PPM1L: variants seen among roughly 807,000 people sequenced by gnomAD.
PPM1L encodes protein phosphatase 1L.
PPM1L carries 13 observed loss-of-function variants against 31.4 expected under a neutral mutation model. The ratio of observed to expected loss-of-function variants is 0.41; its 90% CI spans 0.27 to 0.66. PPM1L has a LOEUF of 0.66. Among genes scored for constraint, PPM1L ranks in the 30% least tolerant of loss-of-function variants. The pLI is 0.29. For missense variants in PPM1L, 326 were observed against 453.7 expected (o/e 0.72, Z 2.56); for synonymous variants, 184 against 175.4 (o/e 1.05, Z -0.39).
chr3:160,816,763 G>A (rs1713007282), intron 1 of PPM1L, among the ~76,000 whole-genome samples: 1 of 152,040 alleles, frequency 6.6e-6, no homozygotes, highest in African/African-American at 2.4e-5. Context: ...TCACCACTCA[G>A]TGAGGCCCCC....
intron 2 of PPM1L, among the ~76,000 whole-genome samples, chr3:161,063,600 A>G (rs943046950): frequency 2.6e-5 from 4 of 152,194 alleles, no homozygotes; most frequent in African/African-American, 9.7e-5. Context: ...CCATTGTGGA[A>G]GACAGTGTGG....
chr3:160,945,963 CTATT>C (rs995221082), intron 1 of PPM1L, among the ~76,000 whole-genome samples: 6 of 152,012 alleles, frequency 3.9e-5, no homozygotes, highest in African/African-American at 9.7e-5. Flanking sequence ...TATTAATCAA[CTATT>C]TATGTTATTG....
intron 1 of PPM1L, among the ~76,000 whole-genome samples, chr3:160,832,556 T>G (rs890932307): frequency 6.6e-6 from 1 of 152,128 alleles, no homozygotes; most frequent in East Asian, 1.9e-4. Context: ...GTTAGTGCAT[T>G]TTTTTAATTT....
At chr3:161,003,791 A>G (rs1717593378) in intron 2 of PPM1L, among the ~76,000 whole-genome samples, 1 of 151,620 alleles carries the variant, frequency 6.6e-6, no homozygotes, top group Non-Finnish European at 1.5e-5. Flanking sequence ...GCAAACAGGG[A>G]CAATTTGACT....
chr3:160,848,347 C>T (rs1293465234), intron 1 of PPM1L, among the ~76,000 whole-genome samples: 1 of 152,148 alleles, frequency 6.6e-6, no homozygotes, highest in African/African-American at 2.4e-5. Context: ...GCTGGGTCAA[C>T]AACAACCCAG....
At chr3:160,888,296 G>A (rs541505365) in intron 1 of PPM1L, among the ~76,000 whole-genome samples, 19 of 152,308 alleles carry the variant, frequency 1.2e-4, no homozygotes, top group East Asian at 7.7e-4. Context: ...CCATCCACAT[G>A]TAGAGACACA....
intron 2 of PPM1L, among the ~76,000 whole-genome samples, chr3:160,983,136 G>C (rs1222457698): frequency 1.3e-5 from 2 of 152,150 alleles, no homozygotes; most frequent in Non-Finnish European, 2.9e-5. Flanking sequence ...TGTAAATAGA[G>C]ATAAACTAAG....
At chr3:160,890,150 A>G (rs1198641495) in intron 1 of PPM1L, among the ~76,000 whole-genome samples, 1 of 152,228 alleles carries the variant, frequency 6.6e-6, no homozygotes. Flanking sequence ...GGCCAGAGCT[A>G]TCAGGCAAGA....
chr3:160,825,578 G>C (rs961263091), intron 1 of PPM1L, among the ~76,000 whole-genome samples: 1 of 152,166 alleles, frequency 6.6e-6, no homozygotes, highest in Non-Finnish European at 1.5e-5. Context: ...CAGATGTTAA[G>C]TAACTTTTCC....
Position 160,756,409 on chromosome 3 carries a change from C to T in PPM1L, c.101C>T (p.Ala34Val), listed in dbSNP as rs779539738. The change falls in exon 1 of 4, where the codon GCT becomes GTT. Residue 34 changes from alanine (A) to valine (V), a missense_variant. Around this residue, in one of 3 missense-constraint regions of PPM1L, gnomAD observed 42 missense variants for 76.1 expected, o/e 0.55. Coordinates refer to ENST00000498165, the MANE Select transcript of PPM1L (RefSeq NM_139245.4). The surrounding 1 kb of genome is among the most constrained non-coding windows in gnomAD (Gnocchi z 6.2). ...ETLFLLCISL[A>V]LWSYFFHTDE... ...CTTTTCCTGCTGTGCATCAGCTTGG[C>T]TCTATGGAGTTACTTCTTCCACACC... 1.2e-6 allele frequency: 2 copies of T among 1,614,202 alleles called. No individual in the cohort carries two copies. The highest frequency in any genetic ancestry group is 1.1e-5 in the South Asian group (1 of 91,084).
chr3:161,017,018 AAG>A (rs534010378), intron 2 of PPM1L, among the ~76,000 whole-genome samples: 353 of 152,296 alleles, frequency 2.3e-3, no homozygotes, highest in African/African-American at 8.3e-3. Flanking sequence ...CAAGTCATGA[AAG>A]AGCCAATTTG....
intron 1 of PPM1L, among the ~76,000 whole-genome samples, chr3:160,935,499 C>A (rs1393677964): frequency 6.6e-6 from 1 of 152,114 alleles, no homozygotes; most frequent in East Asian, 1.9e-4. Flanking sequence ...GTTTGCTGGG[C>A]CAGAAATACT....
chr3:160,851,135 T>C (rs1193339228), intron 1 of PPM1L, among the ~76,000 whole-genome samples: 2 of 152,180 alleles, frequency 1.3e-5, no homozygotes, highest in African/African-American at 4.8e-5. Context: ...TCACTTACCT[T>C]ATAGGCAAGA....
intron 2 of PPM1L, among the ~76,000 whole-genome samples, chr3:160,983,677 T>C (rs1005271517): frequency 6.6e-6 from 1 of 152,246 alleles, no homozygotes; most frequent in African/African-American, 2.4e-5. Flanking sequence ...GCATCATTGC[T>C]GGTGCCCACT....
intron 1 of PPM1L, among the ~76,000 whole-genome samples, chr3:160,816,770 C>T (rs1439419962): frequency 6.6e-6 from 1 of 151,978 alleles, no homozygotes; most frequent in Non-Finnish European, 1.5e-5. Context: ...TCAGTGAGGC[C>T]CCCATCATAA....
chr3:160,910,844 C>T (rs1310883791), intron 1 of PPM1L, among the ~76,000 whole-genome samples: 1 of 152,126 alleles, frequency 6.6e-6, no homozygotes, highest in Non-Finnish European at 1.5e-5. Context: ...TTATTGCAGG[C>T]TGCCACAGGT....
chr3:160,957,372 ATG>A (rs1715808475), intron 1 of PPM1L, among the ~76,000 whole-genome samples: 1 of 152,286 alleles, frequency 6.6e-6, no homozygotes, highest in East Asian at 1.9e-4. Context: ...ATATGCGAGC[ATG>A]TGTCTTTATA....
At chr3:160,891,938 T>C (rs1713161897) in intron 1 of PPM1L, among the ~76,000 whole-genome samples, 1 of 151,590 alleles carries the variant, frequency 6.6e-6, no homozygotes. Flanking sequence ...TAACTGGGAG[T>C]TGAATAATGA....
At chr3:161,030,081 A>G (rs1718515679) in intron 2 of PPM1L, among the ~76,000 whole-genome samples, 1 of 152,220 alleles carries the variant, frequency 6.6e-6, no homozygotes, top group East Asian at 1.9e-4. Flanking sequence ...AAAATTTTAC[A>G]GACTGTCTCC....
Sources: allele counts gnomAD v4.1 joint callset (sites outside exome capture counted in the v4.1 genomes callset), GRCh38; gene constraint gnomAD v4.1.1; regional missense constraint gnomAD v4.1.1; non-coding constraint Gnocchi (gnomAD v3.1); transcripts MANE v1.5; gene names NCBI Gene and HGNC (gene_info 2026-07-23, HGNC 2026-07-21).